Variants in TMEM43 observed in about 807,000 individuals in gnomAD.
TMEM43 encodes arrhythmogenic right ventricular dysplasia 5.
In TMEM43, 45 loss-of-function variants were observed where a neutral mutation model predicts 49.6. The ratio of observed to expected loss-of-function variants is 0.91; its 90% CI spans 0.71 to 1.16. TMEM43 has a LOEUF of 1.16. TMEM43 is among the 50% of genes most tolerant of loss of function. The probability of loss-of-function intolerance (pLI) is 0.00; values close to 1 mark genes in which losing one functional copy is unlikely to be tolerated. For missense variants in TMEM43, 532 were observed against 516.6 expected (o/e 1.03, Z -0.29); for synonymous variants, 199 against 207.8 (o/e 0.96, Z 0.36).
In TMEM43 at chr3:14,133,807, C is replaced by T. The variant is rs1483823260; in HGVS notation, c.581C>T (p.Ser194Leu). ...CAAATTGGCAGGTTTTTCCTCTCGT[C>T]AGGTAAGTCTCAGGCCTCTCCAGAG... Reference protein sequence around the residue: ...FVQIGRFFLSSGLIDKVDNFK... With the variant: ...FVQIGRFFLSLGLIDKVDNFK... The change falls in exon 7 of 12, where the codon TCA becomes TTA. Residue 194 changes from serine (S) to leucine (L), a missense_variant and splice_region_variant. By Grantham distance (145) the Ser-to-Leu change is moderately radical (BLOSUM62 -2). Transcript: ENST00000306077. 6.2e-7 allele frequency: 1 copy of T among 1,614,130 alleles called. No individual in the cohort carries two copies. Among genetic ancestry groups the T allele is most frequent in the Non-Finnish European group, 8.5e-7 (1 of 1,179,942 alleles).
At position 14,135,855 on chromosome 3, in the gene TMEM43, A is replaced by T. The variant is rs532872056; in HGVS notation, c.829A>T (p.Thr277Ser). ...QRGDQLVPFS[T>S]KSGDTLLLLH... ...GGGTGACCAGCTAGTCCCATTCTCC[A>T]CCAAGTCTGGGGATACCTTACTGCT... Residue 277 changes from threonine to serine, a missense_variant, in exon 10 of 12, where the codon ACC becomes TCC. Physicochemically the swap from Thr to Ser is moderately conservative, Grantham distance 58. Coordinates refer to ENST00000306077, the MANE Select transcript of TMEM43 (RefSeq NM_024334.3). 3.7e-4 allele frequency: 590 copies of T among 1,614,034 alleles called. 9 individuals carry two copies. The South Asian group carries it at 6.3e-3, about 17-fold the overall frequency.
rs767001935 is a variant in TMEM43 at position 14,125,183 on chromosome 3, C to T, written c.-11C>T. Reference sequence around the variant, plus strand: ...ACAGCGCGAGGCGGCGGCAGCGAGCCGGGTCCCACCATGGCCGCGAATGTG... The same window carrying T: ...ACAGCGCGAGGCGGCGGCAGCGAGCTGGGTCCCACCATGGCCGCGAATGTG... On this transcript the variant is annotated 5_prime_UTR_variant, in exon 1 of 12. Coordinates refer to ENST00000306077, the MANE Select transcript of TMEM43 (RefSeq NM_024334.3). 1.2e-6 allele frequency: 2 copies of T among 1,610,254 alleles called. No homozygotes were observed. Among genetic ancestry groups the T allele is most frequent in the Admixed American group, 1.7e-5 (1 of 59,868 alleles).
chr3:14,135,953 C>A (rs1343836203), intron 10 of TMEM43, 45 bp downstream of exon 10: 1 of 1,479,112 alleles, frequency 6.8e-7, no homozygotes, highest in South Asian at 1.1e-5. Flanking sequence ...CAAGCATGTC[C>A]TTCCTTCCTT....
At chr3:14,125,451 C>T (rs1404369303) in intron 1 of TMEM43, among the ~76,000 whole-genome samples, 2 of 152,222 alleles carry the variant, frequency 1.3e-5, no homozygotes, top group East Asian at 3.8e-4. Flanking sequence ...CGGAGGCGGA[C>T]TCGGAGGTGT....
chr3:14,139,360 C>T lies in TMEM43; in HGVS notation c.1000+63C>T, dbSNP rs118165184. ...CCCTGAAAGGGCCTCCTCTGCCTGT[C>T]GCATCATCTCAGCCCTTCCAGCCTG... On this transcript the variant is annotated intron_variant, in intron 11 of 11. Coordinates refer to ENST00000306077, the MANE Select transcript of TMEM43 (RefSeq NM_024334.3). 4,002 of 1,176,048 alleles carry T rather than the reference C, an allele frequency of 3.4e-3. 91 individuals carry two copies. In the East Asian group the frequency reaches 0.057, roughly 17 times the overall value. 72.9% of individuals were successfully genotyped at this position (1,176,048 alleles called of 1,614,324 possible).
chr3:14,129,501 T>A lies in TMEM43; in HGVS notation c.102T>A (p.Gly34=), dbSNP rs1474026817. The A allele has an allele frequency of 2.5e-6, 4 of 1,613,432 alleles. No individual in the cohort carries two copies. Among genetic ancestry groups the A allele is most frequent in the Non-Finnish European group, 3.4e-6 (4 of 1,179,914 alleles). Residue 34 remains glycine (G), a synonymous_variant, in exon 2 of 12, where the codon GGT becomes GGA. Coordinates refer to ENST00000306077, the MANE Select transcript of TMEM43 (RefSeq NM_024334.3). ...TGGAACGGCTGAGCGAGACCTCGGG[T>A]GGGATGTTTGTGGGGCTCATGGCCT... The part of the protein sequence containing the change: ...GFLERLSETS[G]GMFVGLMAFL...
intron 1 of TMEM43, among the ~76,000 whole-genome samples, chr3:14,127,907 G>A (rs1464493818): frequency 1.3e-5 from 2 of 152,186 alleles, no homozygotes; most frequent in African/African-American, 4.8e-5. Flanking sequence ...GCCTGTCTTA[G>A]CTGGGCCCCA....
intron 3 of TMEM43, among the ~76,000 whole-genome samples, 188 bp downstream of exon 3, chr3:14,131,144 C>T (rs770750601): frequency 2.0e-5 from 3 of 152,100 alleles, no homozygotes; most frequent in Admixed American, 6.6e-5. Context: ...AAAATGGGGA[C>T]GGTAATGGTT....
intron 8 of TMEM43, 82 bp from the exon 9 acceptor site, chr3:14,135,076 G>A: frequency 1.3e-6 from 2 of 1,496,392 alleles, no homozygotes; most frequent in Non-Finnish European, 1.8e-6. Context: ...AAGAGCCTGA[G>A]GGGCGTAGCC....
At chr3:14,139,846 T>C (rs1370219216) in intron 11 of TMEM43, among the ~76,000 whole-genome samples, 11 of 152,216 alleles carry the variant, frequency 7.2e-5, no homozygotes, top group Admixed American at 7.2e-4. Context: ...GGGCCACTCC[T>C]TGACCTGAGG....
chr3:14,138,615 G>A (rs1455242322), intron 10 of TMEM43, among the ~76,000 whole-genome samples: 1 of 152,182 alleles, frequency 6.6e-6, no homozygotes, highest in Admixed American at 6.5e-5. Context: ...TGTGAGGCCC[G>A]GGAGAGGGCC....
chr3:14,136,274 T>C (rs1157583603), intron 10 of TMEM43, among the ~76,000 whole-genome samples: 1 of 152,248 alleles, frequency 6.6e-6, no homozygotes, highest in Non-Finnish European at 1.5e-5. Context: ...GGCGTCATGT[T>C]GGCATTCAGA....
rs139781226 is a variant in TMEM43, at chr3:14,130,114, CTCTT to C, written c.162+559_162+562del. ...TTTGTTTCTTTCTTTCTCTCCCTCT[CTCTT>C]TCTTTTTCTCCTTTTTTTTAATAGG... On this transcript the variant is annotated intron_variant, in intron 2 of 11. Transcript: ENST00000306077. Among the ~76,000 whole-genome samples, 695 of 147,642 alleles carry C rather than the reference CTCTT, an allele frequency of 4.7e-3. 4 individuals are homozygous for C. Among genetic ancestry groups the C allele is most frequent in the African/African-American group, 0.016 (654 of 40,184 alleles).
At position 14,135,796 on chromosome 3, in the gene TMEM43, C is replaced by T. The variant is rs1695161084; in HGVS notation, c.781-11C>T. On this transcript the variant is annotated splice_polypyrimidine_tract_variant and intron_variant, in intron 9 of 11. Transcript: ENST00000306077. ...TCACCCCTCAGCTCTAACACCAGGT[C>T]CTCTGACCAGGTCACTGTGATTGCC... The T allele has an allele frequency of 1.2e-6, 2 of 1,611,832 alleles. No homozygotes were observed. The highest frequency in any genetic ancestry group is 2.7e-5 in the African/African-American group (2 of 75,010).
rs555034992 is a variant in TMEM43, at chr3:14,130,800, C to T, written c.163-22C>T. 111 of 1,613,188 alleles carry T rather than the reference C, an allele frequency of 6.9e-5. No homozygotes were observed. In the East Asian group the frequency reaches 1.7e-3, roughly 25 times the overall value. ...TGAGCCACCCCTGAGCTGTTGAAATCCCCACTCCCCTTTGCTCCCAGGGCC... is the reference window on the plus strand; with the variant it reads ...TGAGCCACCCCTGAGCTGTTGAAATTCCCACTCCCCTTTGCTCCCAGGGCC... On this transcript the variant is annotated intron_variant, in intron 2 of 11. Transcript: ENST00000306077.
At position 14,133,883 on chromosome 3, in the gene TMEM43, T is replaced by C; in HGVS notation, c.583+74T>C. 2.2e-6 allele frequency: 3 copies of C among 1,348,062 alleles called. No individual in the cohort carries two copies. The South Asian group carries it at 3.5e-5, about 16-fold the overall frequency. The allele number at this position is 1,348,062 out of a possible 1,614,324, so 83.5% of individuals were successfully genotyped here. On this transcript the variant is annotated intron_variant, in intron 7 of 11. Coordinates refer to ENST00000306077, the MANE Select transcript of TMEM43 (RefSeq NM_024334.3). The stretch of plus-strand genomic sequence containing the variant: ...CCCCTAGGGCCGGAGCTCCCAGTAC[T>C]CAGCCTTCAGAGGGCTAAAGGCACA...
chr3:14,129,400 C>CT lies in TMEM43; in HGVS notation c.13-7dup, dbSNP rs752938561. The CT allele has an allele frequency of 6.6e-7, 1 of 1,512,328 alleles. No individual in the cohort carries two copies. The highest frequency in any genetic ancestry group is 8.9e-7 in the Non-Finnish European group (1 of 1,123,028). The allele number at this position is 1,512,328 out of a possible 1,614,324, so 93.7% of individuals were successfully genotyped here. A position where few individuals can be genotyped will look rare whatever the true frequency, so the allele number is the denominator to read the frequency against. ...ACTAGTTTTCATTCTGTTACTGTTT[C>CT]TTTTTCTTCAGTATTCCAGTACCAG... On this transcript the variant is annotated splice_polypyrimidine_tract_variant and intron_variant, in intron 1 of 11. Coordinates refer to ENST00000306077, the MANE Select transcript of TMEM43 (RefSeq NM_024334.3).
chr3:14,136,106 A>G (rs1365963466), intron 10 of TMEM43, 198 bp downstream of exon 10: 1 of 679,676 alleles, frequency 1.5e-6, no homozygotes, highest in Non-Finnish European at 2.7e-6. Context: ...TTGGATTTGC[A>G]GGTATTTGTA....
rs747754860 is a variant in TMEM43 at position 14,141,777 on chromosome 3, A to G, written c.1185A>G (p.Pro395=). Residue 395 remains proline (P), a synonymous_variant, in exon 12 of 12, where the codon CCA becomes CCG. Coordinates refer to ENST00000306077, the MANE Select transcript of TMEM43 (RefSeq NM_024334.3). ...TCCTTGTTGCTCGGACACGGGTGCC[A>G]GCCAAAAAGTTGGAGTGAAAAGACC... The part of the protein sequence containing the change: ...VPILVARTRV[P]AKKLE 6.3e-5 allele frequency: 101 copies of G among 1,613,564 alleles called. No individual in the cohort carries two copies. Among genetic ancestry groups the G allele is most frequent in the Non-Finnish European group, 8.0e-5 (94 of 1,180,004 alleles).
Sources: gnomAD v4.1 joint callset for allele counts (sites outside exome capture counted in the v4.1 genomes callset) on GRCh38, gnomAD v4.1.1 for gene constraint, MANE v1.5 for transcripts, NCBI Gene and HGNC (gene_info 2026-07-23, HGNC 2026-07-21) for gene names.